Variants in PAPPA2 observed in about 807,000 individuals in gnomAD.
The protein encoded by PAPPA2 is pappalysin-2.
In PAPPA2, 86 loss-of-function variants were observed where a neutral mutation model predicts 176.4. The ratio of observed to expected loss-of-function variants is 0.49; its 90% CI spans 0.41 to 0.58. PAPPA2 has a LOEUF of 0.58. Ranked by LOEUF, PAPPA2 falls within the 20% of genes least tolerant of loss-of-function variation. PAPPA2 has a pLI of 0.00. For synonymous variants in PAPPA2, 809 were observed against 852.2 expected (o/e 0.95, Z 0.88); for missense variants, 2,073 against 2,256.9 (o/e 0.92, Z 1.65).
At chr1:176,500,280 A>T (rs1255138023) in intron 1 of PAPPA2, among the ~76,000 whole-genome samples, 1 of 152,036 alleles carries the variant, frequency 6.6e-6, no homozygotes, top group African/African-American at 2.4e-5. Flanking sequence ...TAAGAAAAAC[A>T]ATAAGTTTAT....
At position 176,687,255 on chromosome 1, in the gene PAPPA2, C is replaced by T. The variant is rs529022129; in HGVS notation, c.2138-2882C>T. Among the ~76,000 whole-genome samples the T allele has an allele frequency of 3.3e-5, 5 of 152,212 alleles. No individual in the cohort carries two copies. The South Asian group carries it at 8.3e-4, about 25-fold the overall frequency. On this transcript the variant is annotated intron_variant, in intron 4 of 22. Coordinates refer to ENST00000367662, the MANE Select transcript of PAPPA2 (RefSeq NM_020318.3). ...AAATGTAAGTGTTGTTTGGTTAAAA[C>T]TTTATTCTTCTGTGTTGGGAATGTG...
chr1:176,491,349 G>C (rs1386108043), intron 1 of PAPPA2, among the ~76,000 whole-genome samples: 1 of 152,212 alleles, frequency 6.6e-6, no homozygotes, highest in Non-Finnish European at 1.5e-5. Flanking sequence ...CATTTGGAGA[G>C]GAGTTGGGAG....
At chr1:176,694,964 T>C (rs1660300891) in intron 6 of PAPPA2, among the ~76,000 whole-genome samples, 1 of 152,160 alleles carries the variant, frequency 6.6e-6, no homozygotes, top group South Asian at 2.1e-4. Context: ...TACTGGTCAC[T>C]CAGAGGAGAG....
At chr1:176,568,806 G>T (rs914389412) in intron 2 of PAPPA2, among the ~76,000 whole-genome samples, 4 of 152,070 alleles carry the variant, frequency 2.6e-5, no homozygotes, top group African/African-American at 9.7e-5. Flanking sequence ...GCTAAGTTTC[G>T]GTCACAATAA....
intron 3 of PAPPA2, among the ~76,000 whole-genome samples, chr1:176,606,201 A>T (rs1654602203): frequency 6.6e-6 from 1 of 152,280 alleles, no homozygotes; most frequent in East Asian, 1.9e-4. Context: ...ACTTAAATTT[A>T]GATAGTCAAA....
intron 14 of PAPPA2, among the ~76,000 whole-genome samples, chr1:176,745,637 A>G (rs141043625): frequency 4.6e-5 from 7 of 152,352 alleles, no homozygotes; most frequent in African/African-American, 1.7e-4. Flanking sequence ...CTAACAAATA[A>G]AAGAATGATT....
chr1:176,802,016 G>C (rs746842524), intron 21 of PAPPA2, among the ~76,000 whole-genome samples: 2 of 152,106 alleles, frequency 1.3e-5, no homozygotes, highest in Non-Finnish European at 2.9e-5. Context: ...ACAGCTGTTG[G>C]TTCCCCTGCT....
intron 17 of PAPPA2, among the ~76,000 whole-genome samples, chr1:176,775,791 G>T (rs1205312259): frequency 6.6e-6 from 1 of 152,152 alleles, no homozygotes; most frequent in Non-Finnish European, 1.5e-5. Flanking sequence ...GATCCTGTTA[G>T]ATTAACATCA....
chr1:176,647,137 G>C (rs1657442245), intron 3 of PAPPA2, among the ~76,000 whole-genome samples: 1 of 151,448 alleles, frequency 6.6e-6, no homozygotes, highest in Admixed American at 6.6e-5. Context: ...TTGTAGTATT[G>C]ATTTGCATTT....
In PAPPA2 at chr1:176,505,483, T is replaced by C. The variant is rs117353422; in HGVS notation, c.-917+42065T>C. On this transcript the variant is annotated intron_variant, in intron 1 of 22. Coordinates refer to ENST00000367662, the MANE Select transcript of PAPPA2 (RefSeq NM_020318.3). ...GTAGAGAAACACGTGAAGTGAGCCA[T>C]AGATTGACCAACTTTTGCCTGGAGA... Among the ~76,000 whole-genome samples the C allele has an allele frequency of 1.2e-4, 18 of 152,108 alleles. No individual in the cohort carries two copies. The East Asian group carries it at 3.5e-3, about 30-fold the overall frequency.
intron 3 of PAPPA2, among the ~76,000 whole-genome samples, chr1:176,612,445 G>A (rs1298949407): frequency 1.3e-5 from 2 of 152,036 alleles, no homozygotes; most frequent in African/African-American, 4.8e-5. Context: ...AAAAGACTAA[G>A]GTAGTGGCAA....
chr1:176,693,187 T>C (rs1367180431), intron 6 of PAPPA2, among the ~76,000 whole-genome samples: 1 of 152,222 alleles, frequency 6.6e-6, no homozygotes, highest in African/African-American at 2.4e-5. Context: ...TACTGCTGTA[T>C]TCTGAATGAC....
chr1:176,744,545 T>C lies in PAPPA2; in HGVS notation c.4151+4349T>C, dbSNP rs554657448. ...TTGCCACTGGTTCCACACCCCACCC[T>C]ACCTCACTAAGACCTCTATACTTCC... On this transcript the variant is annotated intron_variant, in intron 14 of 22. Coordinates refer to ENST00000367662, the MANE Select transcript of PAPPA2 (RefSeq NM_020318.3). Among the ~76,000 whole-genome samples the C allele has an allele frequency of 3.3e-5, 5 of 152,250 alleles. No homozygotes were observed. The South Asian group carries it at 1.0e-3, about 32-fold the overall frequency.
At chr1:176,622,654 G>A (rs1390693010) in intron 3 of PAPPA2, among the ~76,000 whole-genome samples, 3 of 152,142 alleles carry the variant, frequency 2.0e-5, no homozygotes, top group African/African-American at 7.2e-5. Flanking sequence ...TGAGGTTAAG[G>A]TGTTGACTTT....
chr1:176,534,666 G>A (rs1054828039), intron 1 of PAPPA2, among the ~76,000 whole-genome samples: 43 of 152,202 alleles, frequency 2.8e-4, no homozygotes, highest in African/African-American at 1.0e-3. Context: ...GTATATGAGA[G>A]GTGTGTGCTT....
Position 176,611,193 on chromosome 1 carries a change from T to C in PAPPA2, c.1991+15598T>C, listed in dbSNP as rs963548941. 7.9e-5 allele frequency among the ~76,000 whole-genome samples: 12 copies of C among 152,270 alleles called. No individual in the cohort carries two copies. The South Asian group carries it at 2.5e-3, about 32-fold the overall frequency. ...TGGGAGGGAATGGGATTTGAGGTTG[T>C]TTTTGAAAGATGGGTAGTGAGACCA... On this transcript the variant is annotated intron_variant, in intron 3 of 22. Coordinates refer to ENST00000367662, the MANE Select transcript of PAPPA2 (RefSeq NM_020318.3).
chr1:176,542,984 A>G (rs954946647), intron 1 of PAPPA2, among the ~76,000 whole-genome samples: 3 of 152,212 alleles, frequency 2.0e-5, no homozygotes, highest in Non-Finnish European at 2.9e-5. Flanking sequence ...AATTCCTTCA[A>G]AAAGACAGTT....
In PAPPA2 at chr1:176,702,745, TTGTG is replaced by T. The variant is rs763532990; in HGVS notation, c.3365+39_3365+42del. The T allele has an allele frequency of 2.0e-3, 2,359 of 1,198,544 alleles. 9 individuals are homozygous for T. The East Asian group carries it at 0.03, about 15-fold the overall frequency. 74.2% of individuals were successfully genotyped at this position (1,198,544 alleles called of 1,614,324 possible). On this transcript the variant is annotated intron_variant, in intron 9 of 22. Transcript: ENST00000367662. ...ATGGGAAGGTGTCAGAGTGAGTATT[TTGTG>T]TGTGTGTGTGTGTGTGTGTGTGTGT...
intron 2 of PAPPA2, among the ~76,000 whole-genome samples, chr1:176,575,440 G>A (rs1652588778): frequency 6.6e-6 from 1 of 152,184 alleles, no homozygotes; most frequent in Non-Finnish European, 1.5e-5. Context: ...AGTGGCTCCT[G>A]ATTTGTCACC....
Sources: gnomAD v4.1 joint callset for allele counts (sites outside exome capture counted in the v4.1 genomes callset) on GRCh38, gnomAD v4.1.1 for gene constraint, MANE v1.5 for transcripts, NCBI Gene and HGNC (gene_info 2026-07-23, HGNC 2026-07-21) for gene names.